Variants in IGFBP4 observed in about 807,000 individuals in gnomAD.
IGFBP4 encodes insulin-like growth factor-binding protein 4.
Under a neutral mutation model 25.8 loss-of-function variants are expected in IGFBP4, and 9 were observed. The ratio of observed to expected loss-of-function variants is 0.35; its 90% CI spans 0.21 to 0.61. IGFBP4 has a LOEUF of 0.61. Among genes scored for constraint, IGFBP4 ranks in the 20% least tolerant of loss-of-function variants. The probability of loss-of-function intolerance (pLI) is 0.77; values close to 1 mark genes in which losing one functional copy is unlikely to be tolerated. For synonymous variants in IGFBP4, 153 were observed against 153.9 expected, an observed-to-expected ratio of 0.99 and a Z score of 0.05; for missense variants, 315 against 365.3, an observed-to-expected ratio of 0.86 and a Z score of 1.12.
At position 40,444,074 on chromosome 17, in the gene IGFBP4, G is replaced by C; in HGVS notation, c.339G>C (p.Leu113=). 1 of 1,536,522 alleles carries C rather than the reference G, an allele frequency of 6.5e-7. No homozygotes were observed. Among genetic ancestry groups the C allele is most frequent in the South Asian group, 1.2e-5 (1 of 83,996 alleles). The change falls in exon 1 of 4, where the codon CTG becomes CTC. Residue 113 remains leucine (L), a synonymous_variant. Transcript: ENST00000269593. The part of the protein sequence containing the change: ...LAEIEAIQES[L]QPSDKDEGDH... The stretch of plus-strand genomic sequence containing the variant: ...AGATCGAGGCCATCCAGGAAAGCCT[G>C]CAGCCCTCTGGTAAGGTACCCCTGG...
rs1263157239 is a variant in IGFBP4 at position 40,456,472 on chromosome 17, GC to G, written c.667del (p.Arg223ValfsTer13). The G allele has an allele frequency of 6.2e-7, 1 of 1,613,996 alleles. No homozygotes were observed. Among genetic ancestry groups the G allele is most frequent in the Non-Finnish European group, 8.5e-7 (1 of 1,180,004 alleles). On this transcript the variant is annotated frameshift_variant, in exon 4 of 4. Coordinates refer to ENST00000269593, the MANE Select transcript of IGFBP4 (RefSeq NM_001552.3). LOFTEE classifies it high-confidence loss of function. Reference protein sequence around the residue: ...KQCHPALDGQRGKCWCVDRKT... With the variant: ...KQCHPALDGQXGKCWCVDRKT... ...AGTGTCACCCAGCTCTGGATGGGCAGCGTGGCAAGTGCTGGTGTGTGGACCG... is the reference window on the plus strand; with the variant it reads ...AGTGTCACCCAGCTCTGGATGGGCAGGTGGCAAGTGCTGGTGTGTGGACCG...
At position 40,444,924 on chromosome 17, in the gene IGFBP4, CACAGAGACAGAG is replaced by C. The variant is rs1330199726; in HGVS notation, c.349+842_349+853del. ...ACACACACACACACACACACACACA[CACAGAGACAGAG>C]AGAGAGAGAGAGAGAGAGAGAGAGA... On this transcript the variant is annotated intron_variant, in intron 1 of 3. Transcript: ENST00000269593. Among the ~76,000 whole-genome samples, 610 of 96,128 alleles carry C rather than the reference CACAGAGACAGAG, an allele frequency of 6.3e-3. 9 individuals are homozygous for C. Among genetic ancestry groups the C allele is most frequent in the African/African-American group, 0.029 (572 of 19,498 alleles). The allele number at this position is 96,128 out of a possible 152,430, so 63.1% of individuals were successfully genotyped here.
rs922982503 is a variant in IGFBP4 at position 40,456,509 on chromosome 17, G to A, written c.703G>A (p.Val235Met). The change falls in exon 4 of 4, where the codon GTG (valine) becomes ATG (methionine). Residue 235 changes from valine (V) to methionine (M), a missense_variant. Physicochemically the swap from Val to Met is conservative, Grantham distance 21. Transcript: ENST00000269593. The stretch of plus-strand genomic sequence containing the variant: ...CTGGTGTGTGGACCGGAAGACGGGG[G>A]TGAAGCTTCCGGGGGGCCTGGAGCC... The part of the protein sequence containing the change: ...KCWCVDRKTG[V>M]KLPGGLEPKG... The A allele has an allele frequency of 1.2e-6, 2 of 1,613,936 alleles. No individual in the cohort carries two copies. The highest frequency in any genetic ancestry group is 1.7e-6 in the Non-Finnish European group (2 of 1,179,908).
At chr17:40,445,485 A>G (rs2035639621) in intron 1 of IGFBP4, among the ~76,000 whole-genome samples, 1 of 151,872 alleles carries the variant, frequency 6.6e-6, no homozygotes, top group Non-Finnish European at 1.5e-5. Flanking sequence ...CACTTCCTCA[A>G]TCCTCTGCAG....
intron 3 of IGFBP4, 103 bp downstream of exon 3, chr17:40,454,165 T>A (rs1482494274): frequency 2.0e-6 from 3 of 1,470,540 alleles, no homozygotes; most frequent in Non-Finnish European, 2.7e-6. Flanking sequence ...AAGGGGAAAC[T>A]CCTCAACCCC....
chr17:40,451,078 C>T (rs1016099925), intron 1 of IGFBP4, among the ~76,000 whole-genome samples: 1 of 152,066 alleles, frequency 6.6e-6, no homozygotes, highest in Admixed American at 6.5e-5. Flanking sequence ...CCTTATGGTC[C>T]CCTTGGCACA....
Position 40,453,502 on chromosome 17 carries a change from C to G in IGFBP4, c.507+360C>G, listed in dbSNP as rs2035697814. 6.6e-6 allele frequency among the ~76,000 whole-genome samples: 1 copy of G among 152,160 alleles called. No homozygotes were observed. The highest frequency in any genetic ancestry group is 2.4e-5 in the African/African-American group (1 of 41,446). On this transcript the variant is annotated intron_variant, in intron 2 of 3. Transcript: ENST00000269593. The surrounding 1 kb of genome is among the most constrained non-coding windows in gnomAD (Gnocchi z 4.0). ...TTGGATTCCCCACCCCAGACCTTCT[C>G]AGTAACCAAAGGGTAATGCTGGCCA...
Position 40,443,696 on chromosome 17 carries a change from C to T in IGFBP4, c.-40C>T, listed in dbSNP as rs1162556621. 2 of 1,210,308 alleles carry T rather than the reference C, an allele frequency of 1.7e-6. No homozygotes were observed. Among genetic ancestry groups the T allele is most frequent in the African/African-American group, 1.6e-5 (1 of 62,228 alleles). 75.0% of individuals were successfully genotyped at this position (1,210,308 alleles called of 1,614,324 possible). A position where few individuals can be genotyped will look rare whatever the true frequency, so the allele number is the denominator to read the frequency against. On this transcript the variant is annotated 5_prime_UTR_variant, in exon 1 of 4. Coordinates refer to ENST00000269593, the MANE Select transcript of IGFBP4 (RefSeq NM_001552.3). Reference sequence around the variant, plus strand: ...CCCGCGCGCCCGCGCTCCCCGCCTGCGCCCAGCGCCCCGCGCCCGCGCCCA... The same window carrying T: ...CCCGCGCGCCCGCGCTCCCCGCCTGTGCCCAGCGCCCCGCGCCCGCGCCCA...
intron 1 of IGFBP4, among the ~76,000 whole-genome samples, chr17:40,444,934 G>GAC (rs2035635514): frequency 7.2e-4 from 18 of 24,830 alleles, no homozygotes; most frequent in South Asian, 1.7e-3. Context: ...CACAGAGACA[G>GAC]AGAGAGAGAG....
At chr17:40,450,049 A>G (rs2035673610) in intron 1 of IGFBP4, among the ~76,000 whole-genome samples, 1 of 152,166 alleles carries the variant, frequency 6.6e-6, no homozygotes, top group Non-Finnish European at 1.5e-5. Flanking sequence ...CACTTGTTGC[A>G]CAGGCTAGAG....
chr17:40,448,077 G>C (rs1252848105), intron 1 of IGFBP4, among the ~76,000 whole-genome samples: 1 of 152,248 alleles, frequency 6.6e-6, no homozygotes, highest in African/African-American at 2.4e-5. Context: ...AGCACCAGCG[G>C]TCTTGGCTTC....
intron 1 of IGFBP4, 78 bp downstream of exon 1, chr17:40,444,162 T>G: frequency 8.9e-7 from 1 of 1,126,686 alleles, no homozygotes; most frequent in Non-Finnish European, 1.3e-6. Context: ...CCAGCCGCCC[T>G]GGAAGGCCCT....
rs939965023 is a variant in IGFBP4 at position 40,453,727 on chromosome 17, C to T, written c.508-201C>T. On this transcript the variant is annotated intron_variant, in intron 2 of 3. Transcript: ENST00000269593. This position sits in a 1 kb window ranked among gnomAD's most constrained non-coding sequence, Gnocchi z 4.0. Reference sequence around the variant, plus strand: ...CCTCCTTTGAAGAAGCTCTTTGGCTCGAGACCCTTTCCTCCACGTCTCTAC... The same window carrying T: ...CCTCCTTTGAAGAAGCTCTTTGGCTTGAGACCCTTTCCTCCACGTCTCTAC... Among the ~76,000 whole-genome samples, 2 of 151,986 alleles carry T rather than the reference C, an allele frequency of 1.3e-5. No individual in the cohort carries two copies. The highest frequency in any genetic ancestry group is 1.5e-5 in the Non-Finnish European group (1 of 67,998).
At chr17:40,447,025 A>G (rs2035651507) in intron 1 of IGFBP4, among the ~76,000 whole-genome samples, 1 of 152,212 alleles carries the variant, frequency 6.6e-6, no homozygotes, top group Admixed American at 6.5e-5. Flanking sequence ...TTTAGGTCCC[A>G]AGGTTTGGGC....
intron 1 of IGFBP4, among the ~76,000 whole-genome samples, chr17:40,444,301 C>T (rs1166994152): frequency 2.0e-5 from 3 of 152,202 alleles, no homozygotes; most frequent in Admixed American, 2.0e-4. Flanking sequence ...GAGACTGTCC[C>T]ATCGCTCCAT....
intron 1 of IGFBP4, among the ~76,000 whole-genome samples, chr17:40,447,480 A>G (rs541982403): frequency 7.9e-5 from 12 of 152,250 alleles, no homozygotes; most frequent in South Asian, 4.1e-4. Context: ...TTTTTAGTCA[A>G]TGCAGCAAAT....
rs545585055 is a variant in IGFBP4, at chr17:40,456,852, G to A, written c.*269G>A. On this transcript the variant is annotated 3_prime_UTR_variant, in exon 4 of 4. Coordinates refer to ENST00000269593, the MANE Select transcript of IGFBP4 (RefSeq NM_001552.3). ...ACTGAGACTGGCACTTAGCCCAAGA[G>A]GTCTGAGCCCTGGTGTGTTTCCAGA... is the stretch of plus-strand genomic sequence containing the variant. 150 of 469,310 alleles carry A rather than the reference G, an allele frequency of 3.2e-4. No individual in the cohort carries two copies. The highest frequency in any genetic ancestry group is 2.9e-3 in the African/African-American group (144 of 48,966). The allele number at this position is 469,310 out of a possible 1,614,324, so 29.1% of individuals were successfully genotyped here.
Position 40,443,997 on chromosome 17 carries a change from A to C in IGFBP4, c.262A>C (p.Lys88Gln), listed in dbSNP as rs1481338891. Residue 88 changes from lysine (K) to glutamine (Q), a missense_variant, in exon 1 of 4, where the codon AAG becomes CAG. Transcript: ENST00000269593. ...LRCYPPRGVE[K>Q]PLHTLMHGQG... ...CTGCTACCCGCCCCGAGGGGTGGAG[A>C]AGCCCCTGCACACACTGATGCACGG... 58 of 1,530,572 alleles carry C rather than the reference A, an allele frequency of 3.8e-5. No individual in the cohort carries two copies. Among genetic ancestry groups the C allele is most frequent in the Non-Finnish European group, 5.1e-5 (58 of 1,144,614 alleles). 94.8% of individuals were successfully genotyped at this position (1,530,572 alleles called of 1,614,324 possible). A position where few individuals can be genotyped will look rare whatever the true frequency, so the allele number is the denominator to read the frequency against.
chr17:40,452,652 G>A (rs754785209), intron 1 of IGFBP4, among the ~76,000 whole-genome samples: 1 of 152,114 alleles, frequency 6.6e-6, no homozygotes, highest in Non-Finnish European at 1.5e-5. Flanking sequence ...GATCCAGCAG[G>A]GGGTCCCCCT....
Sources: gnomAD v4.1 joint callset for allele counts (sites outside exome capture counted in the v4.1 genomes callset) on GRCh38, gnomAD v4.1.1 for gene constraint, Gnocchi (gnomAD v3.1) non-coding constraint, MANE v1.5 for transcripts, NCBI Gene and HGNC (gene_info 2026-07-23, HGNC 2026-07-21) for gene names.